CSF1R: variants seen among roughly 807,000 people sequenced by gnomAD.
The protein encoded by CSF1R is colony stimulating factor 1 receptor, also known as macrophage colony-stimulating factor 1 receptor.
Under a neutral mutation model 110.0 loss-of-function variants are expected in CSF1R, and 40 were observed. The observed-to-expected ratio is 0.36, with a 90% CI of 0.28 to 0.47. The LOEUF is 0.47. Ranked by LOEUF, CSF1R falls within the 20% of genes least tolerant of loss-of-function variation. CSF1R has a pLI of 0.99. For missense variants in CSF1R, 1,052 were observed against 1,253.0 expected (o/e 0.84, Z 2.42); for synonymous variants, 523 against 503.4 (o/e 1.04, Z -0.52).
At chr5:150,065,294 C>T (rs1448466604) in intron 10 of CSF1R, among the ~76,000 whole-genome samples, 2 of 152,014 alleles carry the variant, frequency 1.3e-5, no homozygotes. Flanking sequence ...TGGGGACCCT[C>T]CTGTTGCTCC....
chr5:150,062,747 G>A (rs1021176401), intron 10 of CSF1R, among the ~76,000 whole-genome samples: 3 of 152,142 alleles, frequency 2.0e-5, no homozygotes, highest in African/African-American at 4.8e-5. Context: ...GGCATTAAAC[G>A]CAAATAAACA....
intron 1 of CSF1R, chr5:150,094,547 T>G: frequency 6.3e-6 from 10 of 1,597,948 alleles, no homozygotes; most frequent in Admixed American, 5.0e-5. Context: ...GCAACTTCTA[T>G]GTACCTGCAG....
At position 150,080,161 on chromosome 5, in the gene CSF1R, G is replaced by T. The variant is rs748340289; in HGVS notation, c.483C>A (p.Gly161=). ...HTNYSFSPWH[G]FTIHRAKFIQ... is the part of the protein sequence containing the mutation. ...TGAACTTGGCCCTGTGGATGGTGAA[G>T]CCATGCCAGGGCGAGAAGGAGTAGT... Residue 161 remains glycine (G), a synonymous_variant, in exon 3 of 21, where the codon GGC becomes GGA. Transcript: ENST00000675795. 6.2e-7 allele frequency: 1 copy of T among 1,613,896 alleles called. No individual in the cohort carries two copies. Among genetic ancestry groups the T allele is most frequent in the Non-Finnish European group, 8.5e-7 (1 of 1,180,054 alleles).
At chr5:150,065,128 A>AC (rs1003545533) in intron 10 of CSF1R, among the ~76,000 whole-genome samples, 4 of 151,778 alleles carry the variant, frequency 2.6e-5, no homozygotes, top group Non-Finnish European at 5.9e-5. Context: ...CCCCAGGCCC[A>AC]CCCCCTGACT....
At chr5:150,062,234 C>A (rs1757564849) in intron 10 of CSF1R, among the ~76,000 whole-genome samples, 1 of 115,856 alleles carries the variant, frequency 8.6e-6, no homozygotes, top group Non-Finnish European at 1.9e-5. Flanking sequence ...TCCACCCACC[C>A]AACCTCCCAT....
chr5:150,111,636 T>C (rs1388082968), intron 1 of CSF1R, among the ~76,000 whole-genome samples: 1 of 152,148 alleles, frequency 6.6e-6, no homozygotes, highest in Non-Finnish European at 1.5e-5. Flanking sequence ...CTCTGCAAAT[T>C]TGGGTGGGTG....
chr5:150,058,258 T>A (rs925076002), intron 14 of CSF1R: 7 of 456,124 alleles, frequency 1.5e-5, no homozygotes, highest in African/African-American at 8.0e-5. Context: ...CTTCCAACAG[T>A]CCTCAAGAGA....
At chr5:150,094,063 C>CA (rs58394685) in intron 1 of CSF1R, among the ~76,000 whole-genome samples, 1,295 of 106,300 alleles carry the variant, frequency 0.012, 16 homozygotes, top group Non-Finnish European at 0.015. Flanking sequence ...AATTCCATCT[C>CA]AAAAAAAAAA....
At chr5:150,084,273 T>TG (rs1366017035) in intron 1 of CSF1R, among the ~76,000 whole-genome samples, 1 of 148,166 alleles carries the variant, frequency 6.7e-6, no homozygotes, top group Non-Finnish European at 1.5e-5. Context: ...GAGGTTGCAG[T>TG]GAGCCGAGAT....
chr5:150,062,365 T>C (rs1173769493), intron 10 of CSF1R, among the ~76,000 whole-genome samples: 3 of 146,802 alleles, frequency 2.0e-5, no homozygotes, highest in Non-Finnish European at 4.5e-5. Context: ...TGCAACCAGT[T>C]TCCAGAGCTC....
chr5:150,058,476 C>A (rs1757351813), intron 14 of CSF1R, among the ~76,000 whole-genome samples: 1 of 152,240 alleles, frequency 6.6e-6, no homozygotes, highest in African/African-American at 2.4e-5. Context: ...AGAAACTATG[C>A]TTCCGTTAAC....
chr5:150,103,294 C>T (rs1441870760), intron 1 of CSF1R, among the ~76,000 whole-genome samples: 1 of 152,216 alleles, frequency 6.6e-6, no homozygotes, highest in East Asian at 1.9e-4. Context: ...AGCAGTTAGC[C>T]CATGCTTCCC....
At chr5:150,109,068 C>A (rs898290849) in intron 1 of CSF1R, among the ~76,000 whole-genome samples, 5 of 140,368 alleles carry the variant, frequency 3.6e-5, no homozygotes, top group African/African-American at 1.1e-4. Flanking sequence ...GCCCCCCCCC[C>A]ACCACCCAAG....
chr5:150,074,980 G>T (rs762209328), intron 5 of CSF1R, among the ~76,000 whole-genome samples: 39 of 152,018 alleles, frequency 2.6e-4, no homozygotes, highest in Non-Finnish European at 5.0e-4. Context: ...CATTATAGAG[G>T]CCCCTTTATC....
chr5:150,100,259 GTT>G (rs1299227476), intron 1 of CSF1R, among the ~76,000 whole-genome samples: 2 of 128,384 alleles, frequency 1.6e-5, no homozygotes, highest in Non-Finnish European at 3.3e-5. Context: ...GGGAAAGACA[GTT>G]TTAAGTGAAC....
intron 1 of CSF1R, among the ~76,000 whole-genome samples, chr5:150,098,890 CTTT>C (rs34306632): frequency 1.6e-5 from 2 of 128,670 alleles, no homozygotes; most frequent in Non-Finnish European, 1.6e-5. Context: ...ATACAAACAA[CTTT>C]TTTTTTTTTT....
chr5:150,070,038 C>T lies in CSF1R; in HGVS notation c.1345G>A (p.Val449Ile). The T allele has an allele frequency of 5.6e-6, 9 of 1,614,056 alleles. No homozygotes were observed. Among genetic ancestry groups the T allele is most frequent in the Non-Finnish European group, 5.1e-6 (6 of 1,179,972 alleles). The change falls in exon 9 of 21, where the codon GTC (valine) becomes ATC (isoleucine). Residue 449 changes from valine (V) to isoleucine (I), a missense_variant. Physicochemically the swap from Val to Ile is conservative, Grantham distance 29 (BLOSUM62 3). Transcript: ENST00000675795. ...DRCDEAQVLQ[V>I]WDDPYPEVLS... ...ACCTCAGGGTATGGGTCATCCCAGA[C>T]CTGCAGCACTTGGGCCTCATCACAC...
intron 1 of CSF1R, among the ~76,000 whole-genome samples, chr5:150,109,174 C>T (rs77084274): frequency 0.011 from 1,662 of 152,034 alleles, 14 homozygotes; most frequent in Non-Finnish European, 0.017. Context: ...ACCTAGACAC[C>T]CCCGGGGAAG....
At chr5:150,077,977 A>G (rs1581318576) in intron 4 of CSF1R, 135 bp downstream of exon 4, 1 of 1,142,472 alleles carries the variant, frequency 8.8e-7, no homozygotes, top group East Asian at 2.4e-5. Context: ...GTGAGTCTGC[A>G]CCCCTCTCTG....
Sources: allele counts gnomAD v4.1 joint callset (sites outside exome capture counted in the v4.1 genomes callset), GRCh38; gene constraint gnomAD v4.1.1; transcripts MANE v1.5; gene names NCBI Gene and HGNC (gene_info 2026-07-23, HGNC 2026-07-21).